Variants in SGCZ observed in about 807,000 individuals in gnomAD.
The protein encoded by SGCZ is zeta-sarcoglycan.
In SGCZ, 40 loss-of-function variants were observed where a neutral mutation model predicts 41.3. That is an observed-to-expected ratio of 0.97 (90% confidence interval 0.75 to 1.26). The LOEUF (loss-of-function observed/expected upper bound fraction) is 1.26, where lower values mean the gene tolerates loss of function less well. SGCZ is among the 50% of genes most tolerant of loss of function. SGCZ has a pLI of 0.00. For missense variants in SGCZ, 552 were observed against 369.8 expected (o/e 1.49, Z -4.04); for synonymous variants, 206 against 137.5 (o/e 1.50, Z -3.49).
At position 14,122,104 on chromosome 8, in the gene SGCZ, G is replaced by C. The variant is rs541287835; in HGVS notation, c.548-13869C>G. ...CCATCCTGCTAACATGGTGAAACCC[G>C]GTCTCTACTAAAAATACAAAAAAAT... On this transcript the variant is annotated intron_variant, in intron 5 of 7. Coordinates refer to ENST00000382080, the MANE Select transcript of SGCZ (RefSeq NM_139167.4). Among the ~76,000 whole-genome samples, 14 of 152,082 alleles carry C rather than the reference G, an allele frequency of 9.2e-5. No homozygotes were observed. In the South Asian group the frequency reaches 1.2e-3, roughly 14 times the overall value.
intron 4 of SGCZ, among the ~76,000 whole-genome samples, chr8:14,224,219 C>T (rs1017752461): frequency 2.6e-5 from 4 of 152,102 alleles, no homozygotes; most frequent in Non-Finnish European, 4.4e-5. Context: ...ACTACATTTG[C>T]TGACAAAGGA....
intron 1 of SGCZ, among the ~76,000 whole-genome samples, chr8:14,967,790 A>T (rs1028303416): frequency 6.6e-6 from 1 of 152,168 alleles, no homozygotes; most frequent in Non-Finnish European, 1.5e-5. Flanking sequence ...AACAAAGTAG[A>T]CATTCAAGGA....
Position 14,088,632 on chromosome 8 carries a change from A to T in SGCZ, c.*1811T>A, listed in dbSNP as rs189097357. On this transcript the variant is annotated 3_prime_UTR_variant, in exon 8 of 8. Transcript: ENST00000382080. ...TAAATTCTTATTTCAATATTGATTTAAAAAGTTATATAATAACACCCAAAT... is the reference window on the plus strand; with the variant it reads ...TAAATTCTTATTTCAATATTGATTTTAAAAGTTATATAATAACACCCAAAT... Among the ~76,000 whole-genome samples, 126 of 152,020 alleles carry T rather than the reference A, an allele frequency of 8.3e-4. No individual in the cohort carries two copies. Among genetic ancestry groups the T allele is most frequent in the Non-Finnish European group, 1.5e-3 (104 of 67,874 alleles).
intron 2 of SGCZ, among the ~76,000 whole-genome samples, chr8:14,508,412 G>C (rs768070739): frequency 6.6e-6 from 1 of 152,140 alleles, no homozygotes; most frequent in African/African-American, 2.4e-5. Flanking sequence ...TTTTAACAGA[G>C]GTAATTCTAA....
intron 1 of SGCZ, among the ~76,000 whole-genome samples, chr8:15,187,111 T>C (rs1301997042): frequency 6.6e-6 from 1 of 152,186 alleles, no homozygotes; most frequent in African/African-American, 2.4e-5. Context: ...TTTTGTTTAT[T>C]TAGCTCTACT....
intron 1 of SGCZ, among the ~76,000 whole-genome samples, chr8:14,601,094 T>C (rs909689462): frequency 2.0e-5 from 3 of 151,070 alleles, no homozygotes; most frequent in Non-Finnish European, 4.4e-5. Flanking sequence ...TTATATAAAA[T>C]TGATCATACT....
intron 4 of SGCZ, among the ~76,000 whole-genome samples, chr8:14,233,490 A>G (rs959742851): frequency 6.6e-6 from 1 of 150,658 alleles, no homozygotes; most frequent in Non-Finnish European, 1.5e-5. Flanking sequence ...CAGTGATCCA[A>G]ATTACTACAG....
intron 1 of SGCZ, among the ~76,000 whole-genome samples, chr8:14,976,985 G>A (rs1038646753): frequency 6.6e-6 from 1 of 152,202 alleles, no homozygotes; most frequent in Non-Finnish European, 1.5e-5. Context: ...TTCTTTGTGA[G>A]AGATACATTT....
At chr8:14,698,905 T>C (rs1809048575) in intron 1 of SGCZ, among the ~76,000 whole-genome samples, 1 of 151,914 alleles carries the variant, frequency 6.6e-6, no homozygotes, top group Non-Finnish European at 1.5e-5. Context: ...ATCTGGGTAA[T>C]CGTGAAAACT....
intron 1 of SGCZ, among the ~76,000 whole-genome samples, chr8:15,165,481 A>G (rs1454280950): frequency 6.6e-6 from 1 of 152,182 alleles, no homozygotes; most frequent in Non-Finnish European, 1.5e-5. Flanking sequence ...GGTTTTGAGA[A>G]CTATTTGACA....
At chr8:14,251,791 TGGGATACTTTGCCTCCC>T (rs1333606020) in intron 3 of SGCZ, among the ~76,000 whole-genome samples, 2 of 152,122 alleles carry the variant, frequency 1.3e-5, no homozygotes, top group African/African-American at 4.8e-5. Context: ...AAATGTGGCC[TGGGATACTTTGCCTCCC>T]GGGTTCAAGT....
intron 1 of SGCZ, among the ~76,000 whole-genome samples, chr8:14,905,880 C>A (rs1015651782): frequency 6.6e-6 from 1 of 151,796 alleles, no homozygotes; most frequent in Non-Finnish European, 1.5e-5. Flanking sequence ...TTTATATACA[C>A]ACATACACCT....
At chr8:15,097,749 T>TAC (rs1563123634) in intron 1 of SGCZ, among the ~76,000 whole-genome samples, 2 of 88,774 alleles carry the variant, frequency 2.3e-5, no homozygotes, top group African/African-American at 7.2e-5. Context: ...TATATATATA[T>TAC]ACACGTATAT....
At chr8:14,733,053 C>G (rs1450964577) in intron 1 of SGCZ, among the ~76,000 whole-genome samples, 1 of 152,156 alleles carries the variant, frequency 6.6e-6, no homozygotes, top group African/African-American at 2.4e-5. Flanking sequence ...TTCTATCACT[C>G]CTAGAGACAG....
At chr8:14,835,186 G>A (rs1802655982) in intron 1 of SGCZ, among the ~76,000 whole-genome samples, 1 of 152,160 alleles carries the variant, frequency 6.6e-6, no homozygotes, top group Non-Finnish European at 1.5e-5. Context: ...ATGGGTTACA[G>A]GTGTAGGAAA....
At chr8:14,307,843 T>C (rs1370633515) in intron 3 of SGCZ, among the ~76,000 whole-genome samples, 4 of 152,044 alleles carry the variant, frequency 2.6e-5, no homozygotes, top group Non-Finnish European at 5.9e-5. Context: ...GATTTAGCAA[T>C]GTGGTAAAAC....
intron 5 of SGCZ, among the ~76,000 whole-genome samples, chr8:14,153,457 G>A (rs1162463895): frequency 2.6e-5 from 4 of 152,118 alleles, no homozygotes; most frequent in African/African-American, 2.4e-5. Flanking sequence ...TTGGGAGTGC[G>A]ATTCTATTGC....
At chr8:14,224,489 G>C (rs1403571379) in intron 4 of SGCZ, among the ~76,000 whole-genome samples, 1 of 152,178 alleles carries the variant, frequency 6.6e-6, no homozygotes. Context: ...CCCTGGCTTT[G>C]TGATAAAAAT....
In SGCZ at chr8:15,087,041, C is replaced by T. The variant is rs146971594; in HGVS notation, c.39+150544G>A. ...TTGAATTCACACATGAGATTTAGCT[C>T]ACATTTGTCCTAAGCTTTCTGCCAT... On this transcript the variant is annotated intron_variant, in intron 1 of 7. Coordinates refer to ENST00000382080, the MANE Select transcript of SGCZ (RefSeq NM_139167.4). Among the ~76,000 whole-genome samples the T allele has an allele frequency of 5.3e-5, 8 of 152,180 alleles. No individual in the cohort carries two copies. In the East Asian group the frequency reaches 1.6e-3, roughly 30 times the overall value.
Sources: allele counts gnomAD v4.1 joint callset (sites outside exome capture counted in the v4.1 genomes callset), GRCh38; gene constraint gnomAD v4.1.1; transcripts MANE v1.5; gene names NCBI Gene and HGNC (gene_info 2026-07-23, HGNC 2026-07-21).